The following COG7 variants were observed in gnomAD, a reference collection of about 807,000 sequenced individuals.
The protein encoded by COG7 is component of oligomeric golgi complex 7, also known as conserved oligomeric Golgi complex subunit 7.
A neutral mutation model predicts 91.5 loss-of-function variants in COG7; 49 were observed. That is an observed-to-expected ratio of 0.54 (90% CI 0.43 to 0.68). COG7 has a LOEUF of 0.68. Ranked by LOEUF, COG7 falls within the 30% of genes least tolerant of loss-of-function variation. The pLI, the probability that COG7 is intolerant of heterozygous loss-of-function variation, is 0.00. For synonymous variants in COG7, 365 were observed against 388.7 expected (o/e 0.94, Z 0.72); for missense variants, 895 against 961.3 (o/e 0.93, Z 0.91).
At position 23,442,641 on chromosome 16, in the gene COG7, A is replaced by G. The variant is rs1474076718; in HGVS notation, c.440T>C (p.Ile147Thr). The part of the protein sequence containing the change: ...DIEETFKTQD[I>T]AVISAKLTGM... Reference sequence around the variant, plus strand: ...TGTTAGCTTGGCAGAAATCACAGCTATGTCCTAGAAAAGACCAGAATAGAG... The same window carrying G: ...TGTTAGCTTGGCAGAAATCACAGCTGTGTCCTAGAAAAGACCAGAATAGAG... The change falls in exon 4 of 17, where the codon ATA (isoleucine) becomes ACA (threonine). Residue 147 changes from isoleucine to threonine, a missense_variant. Ile to Thr is a moderately conservative substitution (Grantham distance 89, BLOSUM62 -1). Coordinates refer to ENST00000307149, the MANE Select transcript of COG7 (RefSeq NM_153603.4). The G allele has an allele frequency of 1.2e-6, 2 of 1,613,338 alleles. No homozygotes were observed. The highest frequency in any genetic ancestry group is 1.7e-6 in the Non-Finnish European group (2 of 1,179,242).
intron 6 of COG7, among the ~76,000 whole-genome samples, chr16:23,427,214 G>A (rs574419101): frequency 6.6e-6 from 1 of 152,264 alleles, no homozygotes; most frequent in South Asian, 2.1e-4. Flanking sequence ...TTGCACCACT[G>A]CACTCCAGCC....
At chr16:23,444,801 T>C (rs1964156041) in intron 3 of COG7, among the ~76,000 whole-genome samples, 2 of 152,224 alleles carry the variant, frequency 1.3e-5, no homozygotes, top group East Asian at 1.9e-4. Context: ...CCACAGTGCC[T>C]GGTGCCTGTA....
intron 3 of COG7, 142 bp from the exon 4 acceptor site, chr16:23,442,787 G>C (rs1964122699): frequency 6.5e-6 from 5 of 770,824 alleles, no homozygotes; most frequent in Non-Finnish European, 1.1e-5. Flanking sequence ...TGTAATCCCA[G>C]CACTTTCGGA....
At chr16:23,413,407 G>A (rs778018845) in intron 10 of COG7, 41 bp downstream of exon 10, 1 of 1,006,928 alleles carries the variant, frequency 9.9e-7, no homozygotes, top group Admixed American at 1.7e-5. Context: ...GTTTATGCTG[G>A]CTACATTAGG....
At chr16:23,438,278 G>A (rs1367717785) in intron 4 of COG7, among the ~76,000 whole-genome samples, 1 of 152,098 alleles carries the variant, frequency 6.6e-6, no homozygotes, top group African/African-American at 2.4e-5. Flanking sequence ...TGGGTAAAGG[G>A]CCAGGCACCC....
chr16:23,411,882 C>CTTT (rs1230807496), intron 10 of COG7, among the ~76,000 whole-genome samples: 1 of 137,758 alleles, frequency 7.3e-6, no homozygotes, highest in Non-Finnish European at 1.6e-5. Context: ...TTCCAGATTG[C>CTTT]TTTTTTTTTT....
chr16:23,422,433 A>G (rs1432671830), intron 7 of COG7, among the ~76,000 whole-genome samples: 1 of 150,390 alleles, frequency 6.6e-6, no homozygotes, highest in Admixed American at 6.7e-5. Context: ...AAGACTGTCT[A>G]CAACCAATAT....
At chr16:23,413,156 G>T in intron 10 of COG7, 1 of 366,422 alleles carries the variant, frequency 2.7e-6, no homozygotes, top group East Asian at 6.6e-5. Flanking sequence ...ACGCTAAGGT[G>T]GGGGTAAAAA....
chr16:23,426,570 G>T (rs913574855), intron 6 of COG7, among the ~76,000 whole-genome samples: 3 of 151,960 alleles, frequency 2.0e-5, no homozygotes, highest in Admixed American at 1.3e-4. Context: ...ACAGAATGAA[G>T]GGAAAATACA....
intron 6 of COG7, among the ~76,000 whole-genome samples, chr16:23,426,003 C>T (rs919558283): frequency 5.3e-5 from 8 of 151,816 alleles, no homozygotes; most frequent in African/African-American, 1.9e-4. Flanking sequence ...CACTTGAGGT[C>T]ATGAGTTCGA....
intron 13 of COG7, among the ~76,000 whole-genome samples, chr16:23,399,121 T>C (rs556606632): frequency 2.6e-5 from 4 of 152,278 alleles, no homozygotes; most frequent in Non-Finnish European, 5.9e-5. Flanking sequence ...CCTGATCCTT[T>C]AAGTAGCATT....
At chr16:23,443,986 T>C (rs1964142875) in intron 3 of COG7, among the ~76,000 whole-genome samples, 1 of 151,870 alleles carries the variant, frequency 6.6e-6, no homozygotes, top group Non-Finnish European at 1.5e-5. Flanking sequence ...ATCCCATCTC[T>C]ACTAAAAATA....
intron 4 of COG7, among the ~76,000 whole-genome samples, chr16:23,440,750 C>T (rs1042349656): frequency 3.9e-5 from 6 of 151,992 alleles, no homozygotes; most frequent in African/African-American, 1.4e-4. Flanking sequence ...AGCCACTGCA[C>T]CCGGCCGAGA....
intron 7 of COG7, among the ~76,000 whole-genome samples, chr16:23,422,590 T>C (rs975486161): frequency 1.3e-5 from 2 of 151,358 alleles, no homozygotes; most frequent in South Asian, 2.1e-4. Flanking sequence ...ACAATGTATA[T>C]TTATATTTGT....
chr16:23,434,987 T>G (rs1331730332), intron 4 of COG7, among the ~76,000 whole-genome samples: 1 of 152,220 alleles, frequency 6.6e-6, no homozygotes, highest in Non-Finnish European at 1.5e-5. Context: ...AAATTCCTAC[T>G]TCGATTATAC....
At position 23,399,224 on chromosome 16, in the gene COG7, G is replaced by A. The variant is rs368252940; in HGVS notation, c.1804-1095C>T. Among the ~76,000 whole-genome samples the A allele has an allele frequency of 8.5e-5, 13 of 152,156 alleles. No homozygotes were observed. The East Asian group carries it at 1.7e-3, about 20-fold the overall frequency. Reference sequence around the variant, plus strand: ...GTGCTCTCTAGCGCCCACTTGATTCGGTCTTATTTTCTTTGATGTAAATGA... The same window carrying A: ...GTGCTCTCTAGCGCCCACTTGATTCAGTCTTATTTTCTTTGATGTAAATGA... On this transcript the variant is annotated intron_variant, in intron 13 of 16. Transcript: ENST00000307149.
chr16:23,448,540 G>A (rs377442625), intron 1 of COG7, among the ~76,000 whole-genome samples: 5 of 152,118 alleles, frequency 3.3e-5, no homozygotes, highest in African/African-American at 9.6e-5. Flanking sequence ...TGGAACTCCT[G>A]GCCTCGAGCA....
At chr16:23,417,262 T>C in intron 8 of COG7, 141 bp from the exon 9 acceptor site, 3 of 842,414 alleles carry the variant, frequency 3.6e-6, no homozygotes, top group Non-Finnish European at 5.8e-6. Flanking sequence ...TTTGAATGCT[T>C]CTCTAGAGCC....
At chr16:23,440,103 A>T (rs1358405447) in intron 4 of COG7, among the ~76,000 whole-genome samples, 2 of 151,582 alleles carry the variant, frequency 1.3e-5, no homozygotes, top group East Asian at 3.9e-4. Flanking sequence ...AAAAAAAAAA[A>T]ATAGGCTGGG....
Sources: gnomAD v4.1 joint callset for allele counts (sites outside exome capture counted in the v4.1 genomes callset) on GRCh38, gnomAD v4.1.1 for gene constraint, MANE v1.5 for transcripts, NCBI Gene and HGNC (gene_info 2026-07-23, HGNC 2026-07-21) for gene names.